TMEM260: variants seen among roughly 807,000 people sequenced by gnomAD.
TMEM260 encodes transmembrane protein 260.
Under a neutral mutation model 88.9 loss-of-function variants are expected in TMEM260, and 82 were observed. The ratio of observed to expected loss-of-function variants is 0.92; its 90% confidence interval spans 0.77 to 1.11. TMEM260 has a LOEUF of 1.11. Ranked by LOEUF, TMEM260 falls within the 50% of genes least tolerant of loss-of-function variation. The pLI, the probability that TMEM260 is intolerant of heterozygous loss-of-function variation, is 0.00. For missense variants in TMEM260, 902 were observed against 853.4 expected, an observed-to-expected ratio of 1.06 and a Z score of -0.71; for synonymous variants, 314 against 309.3, an observed-to-expected ratio of 1.02 and a Z score of -0.16.
chr14:56,609,275 C>A lies in TMEM260; in HGVS notation c.806C>A (p.Thr269Asn), dbSNP rs774986708. ...LTHFLREEYG[T>N]FSLAKSEIGS... ...CATTTTCTCAGGGAAGAATATGGAA[C>A]CTTCAGCCTGGTAAATTCAGATTTA... Residue 269 changes from threonine to asparagine, a missense_variant, in exon 6 of 16, where the codon ACC becomes AAC. Physicochemically the swap from Thr to Asn is moderately conservative, Grantham distance 65. Coordinates refer to ENST00000261556, the MANE Select transcript of TMEM260 (RefSeq NM_017799.4). The A allele has an allele frequency of 1.9e-6, 3 of 1,613,818 alleles. No homozygotes were observed. Among genetic ancestry groups the A allele is most frequent in the East Asian group, 2.2e-5 (1 of 44,882 alleles).
At chr14:56,624,888 G>C (rs934794054) in intron 11 of TMEM260, among the ~76,000 whole-genome samples, 2 of 152,016 alleles carry the variant, frequency 1.3e-5, no homozygotes, top group African/African-American at 4.8e-5. Context: ...GGTTGGGGGT[G>C]GGGGTGGGGA....
At chr14:56,604,031 T>C in intron 4 of TMEM260, 39 bp downstream of exon 4, 1 of 1,507,002 alleles carries the variant, frequency 6.6e-7, no homozygotes. Flanking sequence ...GTTTTTGTTT[T>C]AATTTTTAGA....
In TMEM260 at chr14:56,585,793, G is replaced by C. The variant is rs3737171; in HGVS notation, c.225G>C (p.Thr75=). Residue 75 remains threonine (T), a synonymous_variant, in exon 3 of 16, where the codon ACG becomes ACC. Coordinates refer to ENST00000261556, the MANE Select transcript of TMEM260 (RefSeq NM_017799.4). ...VAHPPGYPLF[T]LVAKLAITLF... is the part of the protein sequence containing the mutation. Reference sequence around the variant, plus strand: ...ATCCTCCTGGCTATCCTTTGTTCACGCTGGTGGCTAAACTGGCAATTACAC... The same window carrying C: ...ATCCTCCTGGCTATCCTTTGTTCACCCTGGTGGCTAAACTGGCAATTACAC... 6.2e-7 allele frequency: 1 copy of C among 1,612,670 alleles called. No homozygotes were observed. Among genetic ancestry groups the C allele is most frequent in the African/African-American group, 1.3e-5 (1 of 74,752 alleles).
intron 13 of TMEM260, among the ~76,000 whole-genome samples, chr14:56,633,722 T>C (rs1888804295): frequency 6.6e-6 from 1 of 152,198 alleles, no homozygotes; most frequent in African/African-American, 2.4e-5. Context: ...TAGAGCTTAA[T>C]GTTTCCTAAA....
At chr14:56,652,991 A>G (rs955328023), downstream of TMEM260, among the ~76,000 whole-genome samples, 33 of 152,296 alleles carry the variant, frequency 2.2e-4, no homozygotes, top group African/African-American at 7.5e-4. Flanking sequence ...ATAATGAAAT[A>G]GAATTAAAAA....
chr14:56,661,198 G>A, the TMEM260 span, among the ~76,000 whole-genome samples: 1 of 151,344 alleles, frequency 6.6e-6, no homozygotes, highest in African/African-American at 2.4e-5. Context: ...CCAGCCTAGT[G>A]GGTCTGGAAT....
chr14:56,624,304 T>C (rs1162417582), intron 11 of TMEM260, among the ~76,000 whole-genome samples: 1 of 152,220 alleles, frequency 6.6e-6, no homozygotes, highest in Non-Finnish European at 1.5e-5. Context: ...CCAGGTGTGG[T>C]GGCTCACGTC....
rs1374223283 is a variant in TMEM260 at position 56,618,587 on chromosome 14, T to C, written c.1057-7T>C. 1.9e-6 allele frequency: 3 copies of C among 1,613,222 alleles called. No individual in the cohort carries two copies. Among genetic ancestry groups the C allele is most frequent in the Middle Eastern group, 1.7e-4 (1 of 6,058 alleles). ...CTGGACCCACTGGTTGCATGTCTCT[T>C]TCACAGGTGGAACGATTCTGGATGC... On this transcript the variant is annotated splice_region_variant and splice_polypyrimidine_tract_variant and intron_variant, in intron 9 of 15. Coordinates refer to ENST00000261556, the MANE Select transcript of TMEM260 (RefSeq NM_017799.4).
At chr14:56,656,340 A>G in the TMEM260 span, among the ~76,000 whole-genome samples, 152,217 of 152,222 alleles carry the variant, frequency 1, 76,106 homozygotes, top group Non-Finnish European at 1. Context: ...GATCGCTTGA[A>G]CCCGGGAGGT....
At chr14:56,601,560 G>A (rs908361341) in intron 3 of TMEM260, among the ~76,000 whole-genome samples, 4 of 152,042 alleles carry the variant, frequency 2.6e-5, no homozygotes, top group African/African-American at 7.2e-5. Flanking sequence ...TACATATTCT[G>A]TTACTCCAAA....
chr14:56,655,386 CAA>C (rs113654913), downstream of TMEM260, among the ~76,000 whole-genome samples: 30 of 94,426 alleles, frequency 3.2e-4, no homozygotes, highest in East Asian at 3.2e-4. Flanking sequence ...GACTCCATCT[CAA>C]AAAAAAAAAA....
At chr14:56,628,769 ATTT>A (rs1888395272) in intron 12 of TMEM260, among the ~76,000 whole-genome samples, 1 of 151,994 alleles carries the variant, frequency 6.6e-6, no homozygotes, top group Non-Finnish European at 1.5e-5. Context: ...TTTGAGTCTT[ATTT>A]TACTATCTCA....
intron 15 of TMEM260, among the ~76,000 whole-genome samples, chr14:56,642,019 T>A (rs1260313624): frequency 1.3e-5 from 2 of 152,134 alleles, no homozygotes; most frequent in Admixed American, 6.6e-5. Context: ...AAGTCCTTAG[T>A]GACCTGCAAA....
At chr14:56,586,884 G>GA (rs1885541755) in intron 3 of TMEM260, among the ~76,000 whole-genome samples, 1 of 151,770 alleles carries the variant, frequency 6.6e-6, no homozygotes, top group African/African-American at 2.4e-5. Flanking sequence ...ATCTGTATGT[G>GA]AAAAAACTTT....
chr14:56,580,535 G>A (rs1434056240), intron 1 of TMEM260, among the ~76,000 whole-genome samples: 22 of 152,220 alleles, frequency 1.4e-4, no homozygotes, highest in Non-Finnish European at 3.1e-4. Flanking sequence ...TATGGAGACA[G>A]TAGGAGGGAA....
chr14:56,589,028 T>A (rs1003124995), intron 3 of TMEM260, among the ~76,000 whole-genome samples: 1 of 152,098 alleles, frequency 6.6e-6, no homozygotes, highest in Non-Finnish European at 1.5e-5. Context: ...TTTAACATTA[T>A]TTAATGCTTG....
downstream of TMEM260, among the ~76,000 whole-genome samples, chr14:56,654,568 C>T (rs1890265939): frequency 3.9e-5 from 6 of 152,088 alleles, no homozygotes; most frequent in Admixed American, 3.9e-4. Context: ...CCTGTAATCC[C>T]AGCACTTTGG....
At chr14:56,633,928 A>T (rs1219207624) in intron 13 of TMEM260, among the ~76,000 whole-genome samples, 1 of 152,212 alleles carries the variant, frequency 6.6e-6, no homozygotes, top group Non-Finnish European at 1.5e-5. Flanking sequence ...ATTTTAAAAT[A>T]CTGTAAAGGT....
At chr14:56,622,191 A>C (rs1887967358) in intron 11 of TMEM260, among the ~76,000 whole-genome samples, 1 of 151,928 alleles carries the variant, frequency 6.6e-6, no homozygotes, top group Non-Finnish European at 1.5e-5. Context: ...AAAATACAAA[A>C]AATTAGCCGG....
Sources: allele counts gnomAD v4.1 joint callset (sites outside exome capture counted in the v4.1 genomes callset), GRCh38; gene constraint gnomAD v4.1.1; transcripts MANE v1.5; gene names NCBI Gene and HGNC (gene_info 2026-07-23, HGNC 2026-07-21).